Variants in CD3G observed in about 807,000 individuals in gnomAD.
CD3G encodes T-cell surface glycoprotein CD3 gamma chain.
A neutral mutation model predicts 28.3 loss-of-function variants in CD3G; 24 were observed. That is an observed-to-expected ratio of 0.85 (90% CI 0.61 to 1.19). CD3G has a LOEUF of 1.19. Among genes scored for constraint, CD3G ranks in the 50% most tolerant of loss-of-function variants. CD3G has a pLI of 0.00. For missense variants in CD3G, 211 were observed against 210.0 expected, an observed-to-expected ratio of 1.00 and a Z score of -0.03; for synonymous variants, 71 against 75.9, an observed-to-expected ratio of 0.93 and a Z score of 0.34.
intron 3 of CD3G, chr11:118,350,225 G>C (rs1591284663): frequency 1.7e-6 from 1 of 575,086 alleles, no homozygotes; most frequent in East Asian, 3.0e-5. Flanking sequence ...GCACTGAGTT[G>C]AATGAAGGGG....
chr11:118,344,797 A>G (rs1481689559), intron 1 of CD3G, among the ~76,000 whole-genome samples: 1 of 152,250 alleles, frequency 6.6e-6, no homozygotes, highest in African/African-American at 2.4e-5. Flanking sequence ...GAAAAAGTAT[A>G]TGTTCCCTAC....
chr11:118,352,594 T>A, intron 6 of CD3G, 107 bp downstream of exon 6: 1 of 819,496 alleles, frequency 1.2e-6, no homozygotes, highest in South Asian at 1.3e-5. Context: ...CATCAGACTC[T>A]GGGGATCAGG....
At chr11:118,348,887 G>A (rs1948380491) in intron 1 of CD3G, 140 bp from the exon 2 acceptor site, 27 of 946,508 alleles carry the variant, frequency 2.9e-5, no homozygotes, top group Admixed American at 1.4e-4. Flanking sequence ...TCTACAATCC[G>A]GAAAACTAAG....
intron 1 of CD3G, among the ~76,000 whole-genome samples, chr11:118,347,620 G>A (rs1413956263): frequency 2.0e-5 from 3 of 152,016 alleles, no homozygotes; most frequent in Non-Finnish European, 4.4e-5. Flanking sequence ...CTAAGGTTTT[G>A]TTTGTCTGTT....
rs1478561723 is a variant in CD3G at position 118,350,899 on chromosome 11, A to C, written c.439+216A>C. 1.9e-5 allele frequency: 23 copies of C among 1,233,648 alleles called. 2 individuals carry two copies. The highest frequency in any genetic ancestry group is 2.4e-5 in the Non-Finnish European group (23 of 968,244). The allele number at this position is 1,233,648 out of a possible 1,614,324, so 76.4% of individuals were successfully genotyped here. ...TACAGCTCCCTCTGTGAAAAAAAAA[A>C]AAAACAAAAACAGGCGCAGTGGCTC... On this transcript the variant is annotated intron_variant, in intron 4 of 6. Transcript: ENST00000532917.
At chr11:118,351,699 T>C (rs200695161) in intron 5 of CD3G, 28 bp downstream of exon 5, 2 of 1,608,250 alleles carry the variant, frequency 1.2e-6, no homozygotes, top group Non-Finnish European at 1.7e-6. Flanking sequence ...AAAAGAGACA[T>C]TGCTGTAATT....
chr11:118,350,987 G>C, intron 4 of CD3G: 2 of 617,764 alleles, frequency 3.2e-6, no homozygotes, highest in Non-Finnish European at 4.6e-6. Context: ...AGGAGATCGA[G>C]ACCATCCTGG....
Position 118,349,796 on chromosome 11 carries a change from A to G in CD3G, c.133A>G (p.Thr45Ala). The part of the protein sequence containing the change: ...DYQEDGSVLL[T>A]CDAEAKNITW... ...TCAAGAAGATGGTTCGGTACTTCTG[A>G]CTTGTGATGCAGAAGCCAAAAATAT... The change falls in exon 3 of 7, where the codon ACT becomes GCT. Residue 45 changes from threonine to alanine, a missense_variant. Thr to Ala is a moderately conservative substitution (Grantham distance 58, BLOSUM62 0). Coordinates refer to ENST00000532917, the MANE Select transcript of CD3G (RefSeq NM_000073.3). 6.2e-7 allele frequency: 1 copy of G among 1,614,162 alleles called. No homozygotes were observed. Among genetic ancestry groups the G allele is most frequent in the Non-Finnish European group, 8.5e-7 (1 of 1,180,000 alleles).
rs1948427713 is a variant in CD3G at position 118,353,565 on chromosome 11, C to T, written c.*465C>T. 8.4e-6 allele frequency: 1 copy of T among 118,646 alleles called. No individual in the cohort carries two copies. The highest frequency in any genetic ancestry group is 3.2e-5 in the African/African-American group (1 of 31,188). The allele number at this position is 118,646 out of a possible 1,614,324, so 7.3% of individuals were successfully genotyped here. A position where few individuals can be genotyped will look rare whatever the true frequency, so the allele number is the denominator to read the frequency against. The stretch of plus-strand genomic sequence containing the variant: ...TTTTTTTTTTTGAGACAGTCTGGCT[C>T]TGTCACCCAGGCTGAAATGCAGTGG... On this transcript the variant is annotated 3_prime_UTR_variant, in exon 7 of 7. Coordinates refer to ENST00000532917, the MANE Select transcript of CD3G (RefSeq NM_000073.3).
chr11:118,351,911 C>T (rs1479689804), intron 5 of CD3G, among the ~76,000 whole-genome samples: 1 of 151,778 alleles, frequency 6.6e-6, no homozygotes, highest in East Asian at 1.9e-4. Flanking sequence ...AAGAAACTCT[C>T]GACAGGCTGG....
chr11:118,345,275 C>A lies in CD3G; in HGVS notation c.55+797C>A, dbSNP rs550780987. On this transcript the variant is annotated intron_variant, in intron 1 of 6. Coordinates refer to ENST00000532917, the MANE Select transcript of CD3G (RefSeq NM_000073.3). ...TGAAATAATCAAATGTATGCACTACCTTGGAAACCAAGAGAGTAGAGAGCT... is the reference window on the plus strand; with the variant it reads ...TGAAATAATCAAATGTATGCACTACATTGGAAACCAAGAGAGTAGAGAGCT... Among the ~76,000 whole-genome samples the A allele has an allele frequency of 1.7e-4, 26 of 152,224 alleles. No individual in the cohort carries two copies. In the South Asian group the frequency reaches 4.2e-3, roughly 24 times the overall value.
chr11:118,351,753 G>C, intron 5 of CD3G, 82 bp downstream of exon 5: 1 of 1,303,734 alleles, frequency 7.7e-7, no homozygotes, highest in Non-Finnish European at 1.1e-6. Flanking sequence ...TTATTTGGAA[G>C]ATCCTATACA....
At position 118,352,500 on chromosome 11, in the gene CD3G, A is replaced by G. The variant is rs777181117; in HGVS notation, c.*18+13A>G. 1 of 1,560,670 alleles carries G rather than the reference A, an allele frequency of 6.4e-7. No individual in the cohort carries two copies. Among genetic ancestry groups the G allele is most frequent in the South Asian group, 1.1e-5 (1 of 90,000 alleles). ...GGACTCAGAGTAGGTGGGTTCTTCA[A>G]TGCCAATTCTAATAAAGGACCCTTG... On this transcript the variant is annotated intron_variant, in intron 6 of 6. Coordinates refer to ENST00000532917, the MANE Select transcript of CD3G (RefSeq NM_000073.3).
At chr11:118,350,066 C>A in intron 3 of CD3G, 96 bp downstream of exon 3, 1 of 890,790 alleles carries the variant, frequency 1.1e-6, no homozygotes, top group African/African-American at 1.7e-5. Context: ...AATAGATCCT[C>A]AACAGTAATA....
chr11:118,350,967 T>C (rs1475193682), intron 4 of CD3G: 3 of 838,750 alleles, frequency 3.6e-6, no homozygotes, highest in African/African-American at 3.7e-5. Context: ...GGCGGGCAGA[T>C]CACGAGGTCA....
chr11:118,345,652 G>A lies in CD3G; in HGVS notation c.55+1174G>A, dbSNP rs538107195. Among the ~76,000 whole-genome samples, 4 of 152,262 alleles carry A rather than the reference G, an allele frequency of 2.6e-5. No individual in the cohort carries two copies. In the East Asian group the frequency reaches 7.7e-4, roughly 29 times the overall value. On this transcript the variant is annotated intron_variant, in intron 1 of 6. Transcript: ENST00000532917. ...AAGGAGAAGATGATGAGTAGAGCAAGGTCCTGGAGTTGATGGTGGAAGGAC... is the reference window on the plus strand; with the variant it reads ...AAGGAGAAGATGATGAGTAGAGCAAAGTCCTGGAGTTGATGGTGGAAGGAC...
rs149692532 is a variant in CD3G at position 118,347,338 on chromosome 11, T to C, written c.56-1689T>C. Among the ~76,000 whole-genome samples the C allele has an allele frequency of 1.5e-3, 231 of 152,356 alleles. 1 individual carries two copies. The highest frequency in any genetic ancestry group is 5.1e-3 in the African/African-American group (211 of 41,596). On this transcript the variant is annotated intron_variant, in intron 1 of 6. Transcript: ENST00000532917. Reference sequence around the variant, plus strand: ...GATCCTCACCCTTGGACAAAATTAATAGCTTCTACCCTTTTTTCATATGCA... The same window carrying C: ...GATCCTCACCCTTGGACAAAATTAACAGCTTCTACCCTTTTTTCATATGCA...
In CD3G at chr11:118,350,453, C is replaced by G; in HGVS notation, c.308-99C>G. On this transcript the variant is annotated intron_variant, in intron 3 of 6. Transcript: ENST00000532917. ...CTGCCACCCACAGAGGAAAAGCCTG[C>G]TGCCCTCCACAGCGGCATTATTGCA... The G allele has an allele frequency of 5.7e-6, 5 of 875,538 alleles. No homozygotes were observed. In the South Asian group the frequency reaches 6.6e-5, roughly 12 times the overall value. 54.2% of individuals were successfully genotyped at this position (875,538 alleles called of 1,614,324 possible).
rs1948335710 is a variant in CD3G at position 118,344,430 on chromosome 11, C to G, written c.7C>G (p.Gln3Glu). The change falls in exon 1 of 7, where the codon CAG becomes GAG. Residue 3 changes from glutamine to glutamate, a missense_variant. Physicochemically the swap from Gln to Glu is conservative, Grantham distance 29. Transcript: ENST00000532917. ...CCGGAGGACAGAGACTGACATGGAA[C>G]AGGGGAAGGGCCTGGCTGTCCTCAT... MEQGKGLAVLILA... is the reference protein window; with the variant it reads MEEGKGLAVLILA... 1 of 1,570,566 alleles carries G rather than the reference C, an allele frequency of 6.4e-7. No homozygotes were observed. Among genetic ancestry groups the G allele is most frequent in the Admixed American group, 1.9e-5 (1 of 52,954 alleles).
Sources: allele counts gnomAD v4.1 joint callset (sites outside exome capture counted in the v4.1 genomes callset), GRCh38; gene constraint gnomAD v4.1.1; transcripts MANE v1.5; gene names NCBI Gene and HGNC (gene_info 2026-07-23, HGNC 2026-07-21).